The following TNIK variants were observed in gnomAD, a reference collection of about 807,000 sequenced individuals.
The protein encoded by TNIK is TRAF2 and NCK-interacting protein kinase.
TNIK carries 49 observed loss-of-function variants against 191.3 expected under a neutral mutation model. The ratio of observed to expected loss-of-function variants is 0.26; its 90% CI spans 0.20 to 0.32. The LOEUF is 0.32. TNIK is among the 10% of genes least tolerant of loss of function. TNIK has a pLI of 1.00. For synonymous variants in TNIK, 594 were observed against 600.9 expected (o/e 0.99, Z 0.17); for missense variants, 1,155 against 1,702.3 (o/e 0.68, Z 5.66).
At chr3:171,237,886 C>T (rs1344865527) in intron 2 of TNIK, among the ~76,000 whole-genome samples, 1 of 152,158 alleles carries the variant, frequency 6.6e-6, no homozygotes, top group Non-Finnish European at 1.5e-5. Flanking sequence ...ACTTGCACTC[C>T]TTTTAAACTT....
At chr3:171,226,226 G>C (rs899872209) in intron 3 of TNIK, among the ~76,000 whole-genome samples, 5 of 152,106 alleles carry the variant, frequency 3.3e-5, no homozygotes, top group East Asian at 1.9e-4. Flanking sequence ...GCTAGATACA[G>C]GCAATGAAAG....
At chr3:171,070,880 A>AC (rs1719096869) in intron 29 of TNIK, among the ~76,000 whole-genome samples, 1 of 152,164 alleles carries the variant, frequency 6.6e-6, no homozygotes, top group African/African-American at 2.4e-5. Context: ...CCTTTTTCAA[A>AC]CAAAATATCA....
chr3:171,157,327 G>T, intron 12 of TNIK, 133 bp downstream of exon 12: 2 of 1,099,568 alleles, frequency 1.8e-6, no homozygotes, highest in Non-Finnish European at 1.3e-6. Context: ...GGACTTATCT[G>T]CCCTTGCAGT....
At chr3:171,423,680 A>C (rs1256235843) in intron 1 of TNIK, among the ~76,000 whole-genome samples, 1 of 152,222 alleles carries the variant, frequency 6.6e-6, no homozygotes, top group Non-Finnish European at 1.5e-5. Context: ...ATAATGCCAC[A>C]TATCTATGAC....
At chr3:171,453,973 C>G (rs947211721) in intron 1 of TNIK, among the ~76,000 whole-genome samples, 1 of 152,200 alleles carries the variant, frequency 6.6e-6, no homozygotes, top group African/African-American at 2.4e-5. Flanking sequence ...CTCCCTCTCT[C>G]TCCACTAGAG....
intron 1 of TNIK, among the ~76,000 whole-genome samples, chr3:171,406,225 A>T (rs1721654992): frequency 6.6e-6 from 1 of 152,106 alleles, no homozygotes; most frequent in Non-Finnish European, 1.5e-5. Context: ...GCCAGCACAC[A>T]TTCCGTAATC....
intron 4 of TNIK, among the ~76,000 whole-genome samples, chr3:171,197,741 A>G (rs1009274113): frequency 6.6e-6 from 1 of 152,234 alleles, no homozygotes. Flanking sequence ...TGTTAATTTA[A>G]GAAGAAAAAA....
chr3:171,399,948 C>T (rs898829313), intron 1 of TNIK, among the ~76,000 whole-genome samples: 3 of 152,160 alleles, frequency 2.0e-5, no homozygotes, highest in East Asian at 1.9e-4. Context: ...TTATTATTGC[C>T]GAGCTGTTCT....
In TNIK at chr3:171,117,512, C is replaced by CATATACATAT. The variant is rs1326947348; in HGVS notation, c.2120+6083_2120+6084insATATGTATAT. Among the ~76,000 whole-genome samples the CATATACATAT allele has an allele frequency of 1.2e-4, 19 of 152,234 alleles. 1 individual carries two copies. In the East Asian group the frequency reaches 3.5e-3, roughly 28 times the overall value. ...AATTAGTAAATACATATATATGAGA[C>CATATACATAT]ATATGTGTATGTGTGCTCCAGAGAT... On this transcript the variant is annotated intron_variant, in intron 18 of 32. Transcript: ENST00000436636.
intron 2 of TNIK, among the ~76,000 whole-genome samples, chr3:171,301,314 C>CTT (rs36084093): frequency 0.093 from 12,424 of 133,616 alleles, 900 homozygotes; most frequent in Non-Finnish European, 0.14. Flanking sequence ...ACTAGCTGGA[C>CTT]TTTTTTTTTT....
At chr3:171,198,408 A>G (rs116677008) in intron 4 of TNIK, among the ~76,000 whole-genome samples, 1,759 of 152,260 alleles carry the variant, frequency 0.012, 27 homozygotes, top group African/African-American at 0.04. Flanking sequence ...AGGAATGACT[A>G]CTTAATGGGT....
At chr3:171,225,192 A>G (rs1335231039) in intron 3 of TNIK, among the ~76,000 whole-genome samples, 5 of 152,204 alleles carry the variant, frequency 3.3e-5, no homozygotes, top group Admixed American at 1.3e-4. Context: ...TGTAATACAC[A>G]ATAGACAACA....
At chr3:171,303,910 C>T (rs908282373) in intron 2 of TNIK, among the ~76,000 whole-genome samples, 2 of 151,968 alleles carry the variant, frequency 1.3e-5, no homozygotes, top group African/African-American at 2.4e-5. Context: ...TGAGATAGTC[C>T]GAGGCAAGGA....
At chr3:171,381,310 C>T (rs1377658693) in intron 1 of TNIK, among the ~76,000 whole-genome samples, 1 of 152,154 alleles carries the variant, frequency 6.6e-6, no homozygotes, top group Non-Finnish European at 1.5e-5. Context: ...AAAAGATTAG[C>T]AGGTTAGGGG....
intron 21 of TNIK, among the ~76,000 whole-genome samples, chr3:171,106,264 T>C (rs1457357710): frequency 6.6e-6 from 1 of 152,228 alleles, no homozygotes; most frequent in African/African-American, 2.4e-5. Flanking sequence ...TAAATGATCC[T>C]AAACAATCTT....
chr3:171,058,807 G>T lies in TNIK; in HGVS notation c.*5074C>A, dbSNP rs911253472. 6.6e-6 allele frequency among the ~76,000 whole-genome samples: 1 copy of T among 152,100 alleles called. No homozygotes were observed. The highest frequency in any genetic ancestry group is 1.5e-5 in the Non-Finnish European group (1 of 67,996). On this transcript the variant is annotated 3_prime_UTR_variant, in exon 33 of 33. Transcript: ENST00000436636. Reference sequence around the variant, plus strand: ...CTACAGTTATATTAACATAAATAAGGCAGCTAAAACGTTCAAAAATAGTTT... The same window carrying T: ...CTACAGTTATATTAACATAAATAAGTCAGCTAAAACGTTCAAAAATAGTTT...
At chr3:171,205,571 C>T (rs918210691) in intron 4 of TNIK, among the ~76,000 whole-genome samples, 2 of 152,176 alleles carry the variant, frequency 1.3e-5, no homozygotes, top group Non-Finnish European at 2.9e-5. Flanking sequence ...TGCAGATCCC[C>T]CCTTCATCAA....
At chr3:171,080,443 AT>A (rs200622198) in intron 27 of TNIK, among the ~76,000 whole-genome samples, 4 of 150,044 alleles carry the variant, frequency 2.7e-5, no homozygotes, top group East Asian at 1.9e-4. Context: ...TTATTTATTT[AT>A]TTTTTTTTGA....
At chr3:171,249,599 G>A (rs1746002863) in intron 2 of TNIK, among the ~76,000 whole-genome samples, 1 of 152,178 alleles carries the variant, frequency 6.6e-6, no homozygotes, top group South Asian at 2.1e-4. Context: ...AATGATGGTG[G>A]TACACATCAG....
Sources: gnomAD v4.1 joint callset for allele counts (sites outside exome capture counted in the v4.1 genomes callset) on GRCh38, gnomAD v4.1.1 for gene constraint, MANE v1.5 for transcripts, NCBI Gene and HGNC (gene_info 2026-07-23, HGNC 2026-07-21) for gene names.